STX8: variants seen among roughly 807,000 people sequenced by gnomAD.
The protein encoded by STX8 is syntaxin-8.
Under a neutral mutation model 37.5 loss-of-function variants are expected in STX8, and 23 were observed. The observed-to-expected ratio is 0.61, with a 90% CI of 0.44 to 0.87. The LOEUF is 0.87. Ranked by LOEUF, STX8 falls within the 40% of genes least tolerant of loss-of-function variation. The probability of loss-of-function intolerance (pLI) is 0.00; values close to 1 mark genes in which losing one functional copy is unlikely to be tolerated. For synonymous variants in STX8, 115 were observed against 99.1 expected (o/e 1.16, Z -0.95); for missense variants, 313 against 284.7 (o/e 1.10, Z -0.71).
chr17:9,368,242 C>T (rs1043416703), intron 7 of STX8, among the ~76,000 whole-genome samples: 2 of 152,080 alleles, frequency 1.3e-5, no homozygotes, highest in African/African-American at 2.4e-5. Flanking sequence ...TGGTGGCTCA[C>T]GCCTGTAATC....
At chr17:9,334,304 C>G (rs1910070649) in intron 7 of STX8, among the ~76,000 whole-genome samples, 1 of 152,140 alleles carries the variant, frequency 6.6e-6, no homozygotes, top group Non-Finnish European at 1.5e-5. Context: ...AGCTACATGA[C>G]TCCTAAAGCA....
chr17:9,428,710 A>T (rs1444590445), intron 6 of STX8, among the ~76,000 whole-genome samples: 1 of 152,222 alleles, frequency 6.6e-6, no homozygotes, highest in African/African-American at 2.4e-5. Context: ...AAATATTACC[A>T]TTTCAGTATG....
intron 6 of STX8, among the ~76,000 whole-genome samples, chr17:9,409,744 C>T (rs1912919912): frequency 4.6e-5 from 7 of 152,156 alleles, no homozygotes; most frequent in South Asian, 4.1e-4. Context: ...ATATCCTTTT[C>T]CAATTATCTG....
chr17:9,342,145 C>T (rs1467475327), intron 7 of STX8, among the ~76,000 whole-genome samples: 1 of 152,130 alleles, frequency 6.6e-6, no homozygotes, highest in South Asian at 2.1e-4. Flanking sequence ...CTACATCCCT[C>T]GGATGTGCAG....
chr17:9,557,604 A>G, intron 2 of STX8, 76 bp from the exon 3 acceptor site: 1 of 1,279,804 alleles, frequency 7.8e-7, no homozygotes. Context: ...CGTAAACACT[A>G]CTTCACGGGC....
At chr17:9,274,500 C>A (rs1433310897) in intron 7 of STX8, among the ~76,000 whole-genome samples, 2 of 151,388 alleles carry the variant, frequency 1.3e-5, no homozygotes, top group African/African-American at 4.9e-5. Context: ...CACGGTGAGA[C>A]CCTGTCTCTA....
intron 7 of STX8, among the ~76,000 whole-genome samples, chr17:9,326,469 CTT>C (rs1909756235): frequency 6.6e-6 from 1 of 152,168 alleles, no homozygotes; most frequent in Non-Finnish European, 1.5e-5. Context: ...TGGTGATTTG[CTT>C]TTCAAATTAC....
chr17:9,547,642 A>AAAAAAAAG lies in STX8; in HGVS notation c.213-2361_213-2360insCTTTTTTT, dbSNP rs10694244. Among the ~76,000 whole-genome samples the AAAAAAAAG allele has an allele frequency of 1.1e-3, 133 of 115,798 alleles. 3 individuals are homozygous for AAAAAAAAG. The highest frequency in any genetic ancestry group is 1.4e-3 in the African/African-American group (44 of 31,706). 76.0% of individuals were successfully genotyped at this position (115,798 alleles called of 152,430 possible). On this transcript the variant is annotated intron_variant, in intron 3 of 7. Transcript: ENST00000306357. The stretch of plus-strand genomic sequence containing the variant: ...GACTCCGTCTCAAAAAAAAAAAAGA[A>AAAAAAAAG]AAAAGAAAAGAAAAGAAAAGAAATA...
At chr17:9,492,393 G>A (rs940739943) in intron 5 of STX8, among the ~76,000 whole-genome samples, 2 of 152,144 alleles carry the variant, frequency 1.3e-5, no homozygotes, top group Non-Finnish European at 2.9e-5. Flanking sequence ...CAATACCTAA[G>A]GTTAATTAAA....
At chr17:9,515,492 TTCTCTC>T (rs142393139) in intron 4 of STX8, among the ~76,000 whole-genome samples, 6 of 149,736 alleles carry the variant, frequency 4.0e-5, no homozygotes, top group African/African-American at 9.8e-5. Flanking sequence ...TTTGAAGTCT[TTCTCTC>T]TCTCTCTCTC....
At chr17:9,495,383 ATAATC>A (rs1904346153) in intron 5 of STX8, among the ~76,000 whole-genome samples, 1 of 152,196 alleles carries the variant, frequency 6.6e-6, no homozygotes, top group Admixed American at 6.5e-5. Flanking sequence ...CATCTGATGA[ATAATC>A]TATATATATA....
At chr17:9,384,888 A>G (rs1264318421) in intron 6 of STX8, among the ~76,000 whole-genome samples, 1 of 151,598 alleles carries the variant, frequency 6.6e-6, no homozygotes, top group Non-Finnish European at 1.5e-5. Context: ...ATGGTGCTGG[A>G]AAAACTGGAT....
intron 7 of STX8, among the ~76,000 whole-genome samples, chr17:9,341,495 G>A (rs952767521): frequency 6.6e-6 from 1 of 152,146 alleles, no homozygotes; most frequent in African/African-American, 2.4e-5. Context: ...AGAGTGCAAT[G>A]GCGTGATCTC....
intron 3 of STX8, chr17:9,552,687 C>G (rs1446845604): frequency 6.8e-6 from 1 of 146,336 alleles, no homozygotes; most frequent in South Asian, 2.2e-4. Context: ...GAGTCTCGCT[C>G]TTTTGCCCAG....
chr17:9,423,497 T>C (rs1194320574), intron 6 of STX8, among the ~76,000 whole-genome samples: 4 of 152,152 alleles, frequency 2.6e-5, no homozygotes, highest in Non-Finnish European at 5.9e-5. Flanking sequence ...AGCTAATTTT[T>C]GTATTTTTAG....
chr17:9,550,706 T>C (rs1906728291), intron 3 of STX8, among the ~76,000 whole-genome samples: 1 of 152,104 alleles, frequency 6.6e-6, no homozygotes, highest in Non-Finnish European at 1.5e-5. Flanking sequence ...TGGAGCGGGG[T>C]AAATATGCAA....
At chr17:9,542,594 G>A (rs1157888535) in intron 4 of STX8, among the ~76,000 whole-genome samples, 1 of 151,038 alleles carries the variant, frequency 6.6e-6, no homozygotes, top group Non-Finnish European at 1.5e-5. Context: ...GGAGAGTGGT[G>A]TGAACCTGGG....
intron 5 of STX8, among the ~76,000 whole-genome samples, chr17:9,502,437 T>C (rs545428790): frequency 6.6e-6 from 1 of 152,220 alleles, no homozygotes; most frequent in Non-Finnish European, 1.5e-5. Context: ...AGATTTTAAG[T>C]GTTCTCACCA....
At chr17:9,343,236 G>A (rs927751855) in intron 7 of STX8, among the ~76,000 whole-genome samples, 1 of 152,000 alleles carries the variant, frequency 6.6e-6, no homozygotes, top group Non-Finnish European at 1.5e-5. Context: ...TGTTGCCCCG[G>A]GTACTCTCAA....
Sources: gnomAD v4.1 joint callset for allele counts (sites outside exome capture counted in the v4.1 genomes callset) on GRCh38, gnomAD v4.1.1 for gene constraint, MANE v1.5 for transcripts, NCBI Gene and HGNC (gene_info 2026-07-23, HGNC 2026-07-21) for gene names.